The following FBXL7 variants were observed in gnomAD, a reference collection of about 807,000 sequenced individuals.
FBXL7 encodes F-box/LRR-repeat protein 7.
In FBXL7, 12 loss-of-function variants were observed where a neutral mutation model predicts 38.3. The ratio of observed to expected loss-of-function variants is 0.31; its 90% confidence interval spans 0.20 to 0.51. FBXL7 has a LOEUF of 0.51. FBXL7 is among the 20% of genes least tolerant of loss of function. The probability of loss-of-function intolerance (pLI) is 0.98; values close to 1 mark genes in which losing one functional copy is unlikely to be tolerated. For synonymous variants in FBXL7, 297 were observed against 300.9 expected (o/e 0.99, Z 0.13); for missense variants, 567 against 676.4 (o/e 0.84, Z 1.79).
At chr5:15,750,185 T>G (rs1213962593) in intron 2 of FBXL7, among the ~76,000 whole-genome samples, 1 of 152,236 alleles carries the variant, frequency 6.6e-6, no homozygotes, top group Non-Finnish European at 1.5e-5. Flanking sequence ...ATTTATATAG[T>G]GATGCTTATA....
intron 2 of FBXL7, among the ~76,000 whole-genome samples, chr5:15,780,055 A>G (rs149029063): frequency 6.6e-6 from 1 of 152,326 alleles, no homozygotes; most frequent in Non-Finnish European, 1.5e-5. Context: ...CTCTTTGGCC[A>G]GTCCTCCTTT....
chr5:15,775,879 A>T (rs528783775), intron 2 of FBXL7, among the ~76,000 whole-genome samples: 2 of 152,136 alleles, frequency 1.3e-5, no homozygotes, highest in South Asian at 4.1e-4. Context: ...CTTTGAACAC[A>T]GGGGAGCTTC....
intron 1 of FBXL7, among the ~76,000 whole-genome samples, chr5:15,613,788 C>T (rs1386625017): frequency 1.3e-5 from 2 of 152,132 alleles, no homozygotes; most frequent in Non-Finnish European, 1.5e-5. Context: ...TTAGTCCATT[C>T]GGGCTGTTAT....
chr5:15,804,971 G>A (rs1293722632), intron 2 of FBXL7, among the ~76,000 whole-genome samples: 2 of 151,326 alleles, frequency 1.3e-5, no homozygotes, highest in East Asian at 3.9e-4. Flanking sequence ...AGAGGGCCAA[G>A]ATCAAGATGT....
intron 2 of FBXL7, among the ~76,000 whole-genome samples, chr5:15,805,307 T>C (rs1028517767): frequency 3.3e-5 from 5 of 152,164 alleles, no homozygotes; most frequent in African/African-American, 7.2e-5. Context: ...TGTGCTGGAT[T>C]CCACAATATG....
At chr5:15,775,980 G>A (rs1344019186) in intron 2 of FBXL7, among the ~76,000 whole-genome samples, 1 of 152,018 alleles carries the variant, frequency 6.6e-6, no homozygotes, top group Non-Finnish European at 1.5e-5. Flanking sequence ...ACAGATTTCA[G>A]TTTTTATTAA....
chr5:15,689,736 T>C (rs892610909), intron 2 of FBXL7, among the ~76,000 whole-genome samples: 10 of 152,204 alleles, frequency 6.6e-5, no homozygotes, highest in African/African-American at 2.2e-4. Flanking sequence ...TCAGAGTTGC[T>C]CACAACAGTC....
Position 15,794,676 on chromosome 5 carries a change from T to A in FBXL7, c.128-133214T>A, listed in dbSNP as rs771562801. ...CTCTTATCTTTGAGCGTGAGTTGGG[T>A]GAGCAGCTTTGTGAACAGTATCTTT... On this transcript the variant is annotated intron_variant, in intron 2 of 3. Transcript: ENST00000504595. Among the ~76,000 whole-genome samples, 65 of 152,290 alleles carry A rather than the reference T, an allele frequency of 4.3e-4. 1 individual carries two copies. The highest frequency in any genetic ancestry group is 1.5e-3 in the African/African-American group (64 of 41,574).
At chr5:15,568,404 G>A (rs1466231044) in intron 1 of FBXL7, among the ~76,000 whole-genome samples, 2 of 152,238 alleles carry the variant, frequency 1.3e-5, no homozygotes, top group East Asian at 3.9e-4. Context: ...TTTGAGAAGT[G>A]TCTGTTCATA....
At chr5:15,611,906 A>G (rs899551817) in intron 1 of FBXL7, among the ~76,000 whole-genome samples, 1 of 151,960 alleles carries the variant, frequency 6.6e-6, no homozygotes, top group Non-Finnish European at 1.5e-5. Flanking sequence ...ACTTGAGCCC[A>G]GGAGGTTTAG....
chr5:15,537,730 A>G (rs1401293657), intron 1 of FBXL7, among the ~76,000 whole-genome samples: 1 of 152,226 alleles, frequency 6.6e-6, no homozygotes, highest in East Asian at 1.9e-4. Flanking sequence ...CAAAGGAGAG[A>G]GTGTGTGGCA....
chr5:15,879,385 C>A (rs540846619), intron 2 of FBXL7, among the ~76,000 whole-genome samples: 1 of 152,206 alleles, frequency 6.6e-6, no homozygotes, highest in East Asian at 1.9e-4. Context: ...AACACGTGTC[C>A]CTAGGGGAGT....
At chr5:15,886,879 A>G (rs1180920946) in intron 2 of FBXL7, among the ~76,000 whole-genome samples, 6 of 152,178 alleles carry the variant, frequency 3.9e-5, no homozygotes, top group African/African-American at 1.2e-4. Context: ...TCTAACAACT[A>G]TATTCTCCCC....
At chr5:15,539,963 A>G (rs193262839) in intron 1 of FBXL7, among the ~76,000 whole-genome samples, 1 of 152,274 alleles carries the variant, frequency 6.6e-6, no homozygotes, top group African/African-American at 2.4e-5. Context: ...GGCTTTTTCA[A>G]AATGGCTTTA....
chr5:15,645,657 G>C (rs180834313), intron 2 of FBXL7, among the ~76,000 whole-genome samples: 1 of 152,260 alleles, frequency 6.6e-6, no homozygotes, highest in East Asian at 1.9e-4. Flanking sequence ...AATTAACTGA[G>C]ACCTGTCTCA....
In FBXL7 at chr5:15,687,628, C is replaced by G. The variant is rs143689849; in HGVS notation, c.127+71556C>G. On this transcript the variant is annotated intron_variant, in intron 2 of 3. Transcript: ENST00000504595. ...CACTGCCCTCAAGGCTGTGAGAATT[C>G]AGCGGGAAATGGGAAGGGATGCTAA... Among the ~76,000 whole-genome samples the G allele has an allele frequency of 2.9e-4, 44 of 152,256 alleles. 1 individual carries two copies. In the East Asian group the frequency reaches 8.5e-3, roughly 29 times the overall value.
intron 2 of FBXL7, among the ~76,000 whole-genome samples, chr5:15,634,509 G>A (rs974359420): frequency 2.0e-5 from 3 of 149,014 alleles, no homozygotes; most frequent in African/African-American, 7.5e-5. Context: ...TTTAGTTGGG[G>A]GGGGGGTTTA....
intron 2 of FBXL7, among the ~76,000 whole-genome samples, chr5:15,905,211 T>C (rs1741326793): frequency 6.6e-6 from 1 of 152,264 alleles, no homozygotes; most frequent in Non-Finnish European, 1.5e-5. Context: ...CTATAAGCCA[T>C]GCTTGCTTCC....
At chr5:15,613,711 A>G (rs1440367384) in intron 1 of FBXL7, among the ~76,000 whole-genome samples, 1 of 152,156 alleles carries the variant, frequency 6.6e-6, no homozygotes. Flanking sequence ...TCCAAAGTCT[A>G]AGGAGTTCTA....
Sources: gnomAD v4.1 joint callset for allele counts (sites outside exome capture counted in the v4.1 genomes callset) on GRCh38, gnomAD v4.1.1 for gene constraint, MANE v1.5 for transcripts, NCBI Gene and HGNC (gene_info 2026-07-23, HGNC 2026-07-21) for gene names.